Variants in CAPN5 observed in about 807,000 individuals in gnomAD.
The protein encoded by CAPN5 is calpain-5.
In CAPN5, 54 loss-of-function variants were observed where a neutral mutation model predicts 73.0. The ratio of observed to expected loss-of-function variants is 0.74; its 90% CI spans 0.59 to 0.93. The LOEUF is 0.93. CAPN5 is among the 40% of genes least tolerant of loss of function. The pLI, the probability that CAPN5 is intolerant of heterozygous loss-of-function variation, is 0.00. For synonymous variants in CAPN5, 335 were observed against 356.9 expected (o/e 0.94, Z 0.69); for missense variants, 785 against 882.9 (o/e 0.89, Z 1.41).
intron 2 of CAPN5, 65 bp downstream of exon 2, chr11:77,085,116 GCA>G: frequency 1.4e-6 from 2 of 1,443,520 alleles, no homozygotes; most frequent in Non-Finnish European, 9.6e-7. Context: ...GGCTGGGCCT[GCA>G]GGGACATCGG....
At chr11:77,096,077 G>A (rs1950206018) in intron 3 of CAPN5, among the ~76,000 whole-genome samples, 1 of 152,134 alleles carries the variant, frequency 6.6e-6, no homozygotes, top group African/African-American at 2.4e-5. Context: ...GGCTCTGTTT[G>A]TTGTCACCCC....
chr11:77,073,684 G>A (rs1555033510), intron 1 of CAPN5, among the ~76,000 whole-genome samples: 2 of 152,200 alleles, frequency 1.3e-5, no homozygotes, highest in African/African-American at 4.8e-5. Context: ...GCGGCCTGGT[G>A]GGATTTATGT....
At chr11:77,088,903 C>T (rs1023075572) in intron 2 of CAPN5, among the ~76,000 whole-genome samples, 10 of 152,212 alleles carry the variant, frequency 6.6e-5, no homozygotes, top group South Asian at 4.1e-4. Flanking sequence ...AGCAGGGGAG[C>T]GGTGACTGCA....
intron 5 of CAPN5, 39 bp from the exon 6 acceptor site, chr11:77,115,356 T>A: frequency 1.3e-6 from 2 of 1,543,314 alleles, no homozygotes; most frequent in Non-Finnish European, 1.8e-6. Context: ...TGGGTTCCAG[T>A]GTGGCCCTGC....
chr11:77,123,902 C>T lies in CAPN5; in HGVS notation c.*32C>T. The T allele has an allele frequency of 6.3e-7, 1 of 1,597,746 alleles. No individual in the cohort carries two copies. Among genetic ancestry groups the T allele is most frequent in the Non-Finnish European group, 8.5e-7 (1 of 1,170,340 alleles). Reference sequence around the variant, plus strand: ...CCCACCTACCTGGCTCTGACCGTTCCCACCACCATCTGCATGTCCCCACTG... The same window carrying T: ...CCCACCTACCTGGCTCTGACCGTTCTCACCACCATCTGCATGTCCCCACTG... On this transcript the variant is annotated 3_prime_UTR_variant, in exon 13 of 13. Coordinates refer to ENST00000648180, the MANE Select transcript of CAPN5 (RefSeq NM_004055.5).
At chr11:77,122,467 C>G in intron 11 of CAPN5, 109 bp from the exon 12 acceptor site, 1 of 959,790 alleles carries the variant, frequency 1.0e-6, no homozygotes, top group South Asian at 1.6e-5. Flanking sequence ...AGGCTCCAGT[C>G]TCTCCATCTG....
In CAPN5 at chr11:77,112,643, G is replaced by A. The variant is rs1441981161; in HGVS notation, c.352G>A (p.Ala118Thr). Residue 118 changes from alanine (A) to threonine (T), a missense_variant, in exon 4 of 13, where the codon GCG (alanine) becomes ACG (threonine). By Grantham distance (58) the Ala-to-Thr change is moderately conservative. Coordinates refer to ENST00000648180, the MANE Select transcript of CAPN5 (RefSeq NM_004055.5). The part of the protein sequence containing the change: ...EWDPEKPNAY[A>T]GIFHFHFWRF... Reference sequence around the variant, plus strand: ...GGACCCCGAAAAGCCCAACGCCTACGCGGGCATCTTCCACTTCCACTTCTG... The same window carrying A: ...GGACCCCGAAAAGCCCAACGCCTACACGGGCATCTTCCACTTCCACTTCTG... The A allele has an allele frequency of 9.9e-6, 16 of 1,614,080 alleles. No individual in the cohort carries two copies. The highest frequency in any genetic ancestry group is 1.3e-5 in the African/African-American group (1 of 74,982).
Position 77,123,776 on chromosome 11 carries a change from T to C in CAPN5, c.1829T>C (p.Leu610Pro), listed in dbSNP as rs1555043353. ...DPDNLQALHT[L>P]HLRDRNSRQP... ...GACAACCTCCAGGCCCTGCATACCC[T>C]CCACCTCCGGGACCGAAATAGCCGG... The change falls in exon 13 of 13, where the codon CTC becomes CCC. Residue 610 changes from leucine (L) to proline (P), a missense_variant. Transcript: ENST00000648180. 1 of 1,613,388 alleles carries C rather than the reference T, an allele frequency of 6.2e-7. No individual in the cohort carries two copies. Among genetic ancestry groups the C allele is most frequent in the Admixed American group, 1.7e-5 (1 of 59,964 alleles).
intron 1 of CAPN5, among the ~76,000 whole-genome samples, chr11:77,080,606 C>T (rs1158041669): frequency 1.3e-5 from 2 of 152,204 alleles, no homozygotes; most frequent in Admixed American, 6.5e-5. Context: ...CTGTACACAG[C>T]CAGGCTGTCC....
Position 77,119,068 on chromosome 11 carries a change from G to T in CAPN5, c.1206G>T (p.Leu402=). ...TCAAGAAGCCAGAAGATGAAGTCCT[G>T]ATCTGCATCCAGCAGCGGCCAAAGC... ...FEVKKPEDEV[L]ICIQQRPKRS... Residue 402 remains leucine (L), a synonymous_variant, in exon 9 of 13, where the codon CTG becomes CTT. Coordinates refer to ENST00000648180, the MANE Select transcript of CAPN5 (RefSeq NM_004055.5). 6.2e-7 allele frequency: 1 copy of T among 1,614,062 alleles called. No homozygotes were observed. The highest frequency in any genetic ancestry group is 1.1e-5 in the South Asian group (1 of 91,026).
At chr11:77,089,382 C>T (rs575260721) in intron 2 of CAPN5, among the ~76,000 whole-genome samples, 14 of 152,364 alleles carry the variant, frequency 9.2e-5, no homozygotes, top group African/African-American at 3.4e-4. Context: ...CAGCTCTGCT[C>T]ACATGGGGGG....
chr11:77,118,704 G>A (rs1950492736), intron 8 of CAPN5, among the ~76,000 whole-genome samples: 2 of 152,228 alleles, frequency 1.3e-5, no homozygotes, highest in South Asian at 2.1e-4. Flanking sequence ...TGGCTGGGCT[G>A]GGCTTCCCCA....
At chr11:77,092,116 G>C (rs1950154518) in intron 2 of CAPN5, among the ~76,000 whole-genome samples, 2 of 152,174 alleles carry the variant, frequency 1.3e-5, no homozygotes, top group African/African-American at 4.8e-5. Flanking sequence ...CTATTCGTGA[G>C]GCTTAGGCCA....
intron 3 of CAPN5, chr11:77,103,404 A>G: frequency 1.3e-6 from 2 of 1,515,650 alleles, no homozygotes; most frequent in Non-Finnish European, 1.8e-6. Flanking sequence ...TCCCCCCTGT[A>G]TTTTTGGGGC....
At chr11:77,072,362 C>T (rs187410799) in intron 1 of CAPN5, among the ~76,000 whole-genome samples, 4 of 152,370 alleles carry the variant, frequency 2.6e-5, no homozygotes, top group African/African-American at 9.6e-5. Context: ...GAGCAGATCT[C>T]GCTGCCTTGT....
intron 3 of CAPN5, among the ~76,000 whole-genome samples, chr11:77,102,104 G>A (rs1950291261): frequency 6.6e-6 from 1 of 152,200 alleles, no homozygotes; most frequent in Non-Finnish European, 1.5e-5. Flanking sequence ...GATAAACCAG[G>A]AGTTCTGGGA....
In CAPN5 at chr11:77,120,815, G is replaced by A. The variant is rs782813388; in HGVS notation, c.1393G>A (p.Glu465Lys). The change falls in exon 10 of 13, where the codon GAG becomes AAG. Residue 465 changes from glutamate to lysine, a missense_variant. By Grantham distance (56) the Glu-to-Lys change is moderately conservative. Transcript: ENST00000648180. ...CGTCTTCCTGCGCACCGACCAGCCC[G>A]AGGGCCGCTATGTCATCATCCCCAC... ...RSVFLRTDQP[E>K]GRYVIIPTTF... 7 of 1,614,036 alleles carry A rather than the reference G, an allele frequency of 4.3e-6. No individual in the cohort carries two copies. The highest frequency in any genetic ancestry group is 2.7e-5 in the African/African-American group (2 of 74,934).
intron 3 of CAPN5, among the ~76,000 whole-genome samples, chr11:77,106,221 A>G (rs1276682432): frequency 6.7e-6 from 1 of 149,450 alleles, no homozygotes; most frequent in East Asian, 2.0e-4. Flanking sequence ...CCTTTCACAC[A>G]CCCCTCACAG....
rs1950497954 is a variant in CAPN5 at position 77,119,143 on chromosome 11, C to T, written c.1281C>T (p.Asp427=). Residue 427 remains aspartate (D), a synonymous_variant, in exon 9 of 13, where the codon GAC becomes GAT. Coordinates refer to ENST00000648180, the MANE Select transcript of CAPN5 (RefSeq NM_004055.5). ...GTGAGAACCTGGCCATTGGCTTTGACATCTACAAGGTGAGGCCAGCCGGGT... is the reference window on the plus strand; with the variant it reads ...GTGAGAACCTGGCCATTGGCTTTGATATCTACAAGGTGAGGCCAGCCGGGT... ...GKGENLAIGF[D]IYKVEENRQY... is the part of the protein sequence containing the mutation. 1 of 1,611,496 alleles carries T rather than the reference C, an allele frequency of 6.2e-7. No homozygotes were observed. The highest frequency in any genetic ancestry group is 1.3e-5 in the African/African-American group (1 of 74,896).
Sources: allele counts gnomAD v4.1 joint callset (sites outside exome capture counted in the v4.1 genomes callset), GRCh38; gene constraint gnomAD v4.1.1; transcripts MANE v1.5; gene names NCBI Gene and HGNC (gene_info 2026-07-23, HGNC 2026-07-21).